Variants in C1QTNF3 observed in about 807,000 individuals in gnomAD.
C1QTNF3 encodes C1q and TNF related 3, also known as complement C1q tumor necrosis factor-related protein 3.
C1QTNF3 carries 26 observed loss-of-function variants against 32.6 expected under a neutral mutation model. The ratio of observed to expected loss-of-function variants is 0.80; its 90% CI spans 0.58 to 1.11. The LOEUF (loss-of-function observed/expected upper bound fraction) is 1.11, where lower values mean the gene tolerates loss of function less well. Ranked by LOEUF, C1QTNF3 falls within the 50% of genes least tolerant of loss-of-function variation. The pLI, the probability that C1QTNF3 is intolerant of heterozygous loss-of-function variation, is 0.00. For missense variants in C1QTNF3, 362 were observed against 398.2 expected, an observed-to-expected ratio of 0.91 and a Z score of 0.77; for synonymous variants, 155 against 146.0, an observed-to-expected ratio of 1.06 and a Z score of -0.44.
chr5:34,128,813 T>C, the C1QTNF3 span, among the ~76,000 whole-genome samples: 1 of 152,220 alleles, frequency 6.6e-6, no homozygotes, highest in Non-Finnish European at 1.5e-5. Context: ...AGGGACTTGT[T>C]TGTCTCAGAA....
At chr5:34,026,520 G>A (rs1474976973) in intron 4 of C1QTNF3, among the ~76,000 whole-genome samples, 1 of 151,078 alleles carries the variant, frequency 6.6e-6, no homozygotes, top group Admixed American at 6.6e-5. Flanking sequence ...GAAGGCAAGG[G>A]AACCAGGAAG....
At chr5:34,090,071 C>A in the C1QTNF3 span, among the ~76,000 whole-genome samples, 1 of 152,140 alleles carries the variant, frequency 6.6e-6, no homozygotes, top group African/African-American at 2.4e-5. Flanking sequence ...CACTGAAAAT[C>A]GTTTCATGCT....
chr5:34,129,348 A>G, the C1QTNF3 span, among the ~76,000 whole-genome samples: 3 of 152,186 alleles, frequency 2.0e-5, no homozygotes, highest in Non-Finnish European at 2.9e-5. Context: ...GACAAATACC[A>G]TATGTTCTCA....
At chr5:34,026,457 A>G (rs1442368104) in intron 4 of C1QTNF3, among the ~76,000 whole-genome samples, 1 of 51,650 alleles carries the variant, frequency 1.9e-5, no homozygotes, top group Admixed American at 2.3e-4. Context: ...ATCTGCCAGC[A>G]AAAAAAAAAA....
At chr5:34,160,134 C>T in the C1QTNF3 span, among the ~76,000 whole-genome samples, 1 of 152,268 alleles carries the variant, frequency 6.6e-6, no homozygotes, top group African/African-American at 2.4e-5. Flanking sequence ...GCATTACAAT[C>T]CACAATGGAT....
the C1QTNF3 span, among the ~76,000 whole-genome samples, chr5:34,118,132 T>C: frequency 6.6e-6 from 1 of 152,104 alleles, no homozygotes; most frequent in Non-Finnish European, 1.5e-5. Flanking sequence ...CAGGCTGGAG[T>C]GCAGGGGCAT....
chr5:34,163,810 C>T, the C1QTNF3 span, among the ~76,000 whole-genome samples: 12 of 152,046 alleles, frequency 7.9e-5, no homozygotes, highest in Non-Finnish European at 1.2e-4. Flanking sequence ...CATTTTCAAC[C>T]CTTCTGTAAC....
the C1QTNF3 span, among the ~76,000 whole-genome samples, chr5:34,236,328 T>C: frequency 6.6e-6 from 1 of 151,488 alleles, no homozygotes; most frequent in African/African-American, 2.4e-5. Context: ...GAGGTGGAGG[T>C]TGCAGTGAGC....
chr5:34,163,136 G>A, the C1QTNF3 span, among the ~76,000 whole-genome samples: 72 of 152,078 alleles, frequency 4.7e-4, no homozygotes, highest in South Asian at 6.0e-3. Flanking sequence ...ACATGTACAC[G>A]CTTGCATATC....
the C1QTNF3 span, among the ~76,000 whole-genome samples, chr5:34,212,980 C>A: frequency 1.3e-5 from 2 of 152,134 alleles, no homozygotes; most frequent in Non-Finnish European, 2.9e-5. Flanking sequence ...GCACTATTCA[C>A]AATACCCCAT....
At chr5:34,124,274 C>T in the C1QTNF3 span, 1 of 516,712 alleles carries the variant, frequency 1.9e-6, no homozygotes, top group Non-Finnish European at 3.5e-6. Context: ...TTATTTTTAT[C>T]TATAATCACA....
chr5:34,025,762 T>C lies in C1QTNF3; in HGVS notation c.701-1754A>G, dbSNP rs562331030. Among the ~76,000 whole-genome samples, 4 of 152,350 alleles carry C rather than the reference T, an allele frequency of 2.6e-5. No individual in the cohort carries two copies. The South Asian group carries it at 8.3e-4, about 32-fold the overall frequency. The stretch of plus-strand genomic sequence containing the variant: ...TACTTAGGCTTCAATTATAAAGCCA[T>C]TTAATTCCATGGAAATGTGGACTAG... On this transcript the variant is annotated intron_variant, in intron 4 of 5. Coordinates refer to ENST00000382065, the MANE Select transcript of C1QTNF3 (RefSeq NM_181435.6).
At chr5:34,093,301 T>TA in the C1QTNF3 span, among the ~76,000 whole-genome samples, 1 of 126,152 alleles carries the variant, frequency 7.9e-6, no homozygotes, top group Non-Finnish European at 1.6e-5. Flanking sequence ...TTGTTTTTTT[T>TA]AAAAAATTAC....
the C1QTNF3 span, among the ~76,000 whole-genome samples, chr5:34,197,514 T>A: frequency 6.6e-6 from 1 of 152,226 alleles, no homozygotes. Flanking sequence ...ATAGTTTACC[T>A]ATGATCATGT....
At chr5:34,143,561 A>G in the C1QTNF3 span, among the ~76,000 whole-genome samples, 2 of 152,206 alleles carry the variant, frequency 1.3e-5, no homozygotes, top group African/African-American at 4.8e-5. Flanking sequence ...ATATACAGAC[A>G]GAACCCCATC....
chr5:34,225,584 A>T, the C1QTNF3 span, among the ~76,000 whole-genome samples: 3 of 151,712 alleles, frequency 2.0e-5, no homozygotes, highest in Middle Eastern at 3.2e-3. Context: ...GCAGCAATTG[A>T]CCCCTCTGTA....
chr5:34,162,138 C>G, the C1QTNF3 span, among the ~76,000 whole-genome samples: 8 of 152,164 alleles, frequency 5.3e-5, no homozygotes, highest in South Asian at 1.7e-3. Context: ...ATACTCATAA[C>G]AGACTCTCAC....
At chr5:34,046,911 T>A, upstream of C1QTNF3, among the ~76,000 whole-genome samples, 1 of 152,216 alleles carries the variant, frequency 6.6e-6, no homozygotes, top group East Asian at 1.9e-4. Context: ...CATCTTTCAA[T>A]ATAGGTATCT....
chr5:34,022,048 T>C (rs2112094781), intron 5 of C1QTNF3, among the ~76,000 whole-genome samples: 1 of 152,286 alleles, frequency 6.6e-6, no homozygotes, highest in South Asian at 2.1e-4. Flanking sequence ...TCAGGGTAAC[T>C]CCATTAACTT....
Sources: gnomAD v4.1 joint callset for allele counts (sites outside exome capture counted in the v4.1 genomes callset) on GRCh38, gnomAD v4.1.1 for gene constraint, MANE v1.5 for transcripts, NCBI Gene and HGNC (gene_info 2026-07-23, HGNC 2026-07-21) for gene names.